Variants in SPAG16 observed in about 807,000 individuals in gnomAD.
The protein encoded by SPAG16 is sperm associated antigen 16.
Under a neutral mutation model 80.4 loss-of-function variants are expected in SPAG16, and 86 were observed. The observed-to-expected ratio is 1.07, with a 90% CI of 0.90 to 1.28. The LOEUF (loss-of-function observed/expected upper bound fraction) is 1.28. Ranked by LOEUF, SPAG16 falls within the 50% of genes most tolerant of loss-of-function variation. The pLI, the probability that SPAG16 is intolerant of heterozygous loss-of-function variation, is 0.00. For synonymous variants in SPAG16, 294 were observed against 265.9 expected (o/e 1.11, Z -1.03); for missense variants, 870 against 765.3 (o/e 1.14, Z -1.61).
intron 15 of SPAG16, among the ~76,000 whole-genome samples, chr2:214,334,440 C>T (rs1166633606): frequency 6.6e-6 from 1 of 152,172 alleles, no homozygotes; most frequent in Admixed American, 6.5e-5. Context: ...CTTTGGATCC[C>T]AATTTTCCTT....
At chr2:213,369,578 G>A (rs1211065094) in intron 8 of SPAG16, among the ~76,000 whole-genome samples, 18 of 120,846 alleles carry the variant, frequency 1.5e-4, no homozygotes, top group African/African-American at 3.9e-4. Context: ...TTTACTTTTA[G>A]GCAAAGAGGA....
intron 9 of SPAG16, among the ~76,000 whole-genome samples, chr2:213,411,355 A>T (rs925584524): frequency 6.6e-6 from 1 of 152,248 alleles, no homozygotes; most frequent in African/African-American, 2.4e-5. Context: ...GCGACCATTA[A>T]TAAAAATGTA....
At chr2:213,955,065 G>A (rs2044051564) in intron 12 of SPAG16, among the ~76,000 whole-genome samples, 1 of 151,220 alleles carries the variant, frequency 6.6e-6, no homozygotes, top group East Asian at 1.9e-4. Flanking sequence ...TTTTTTATTA[G>A]GCAAATAATT....
intron 15 of SPAG16, among the ~76,000 whole-genome samples, chr2:214,211,646 G>A (rs2058297130): frequency 6.6e-6 from 1 of 152,104 alleles, no homozygotes; most frequent in South Asian, 2.1e-4. Flanking sequence ...ACTAGAGAGG[G>A]GACCTGCAAC....
At chr2:213,577,691 C>A (rs752386636) in intron 10 of SPAG16, among the ~76,000 whole-genome samples, 12 of 152,060 alleles carry the variant, frequency 7.9e-5, no homozygotes, top group Non-Finnish European at 1.6e-4. Flanking sequence ...ACCAAGCATA[C>A]TTTATCTTTA....
chr2:213,990,503 T>A (rs2046226061), intron 12 of SPAG16, among the ~76,000 whole-genome samples: 1 of 152,142 alleles, frequency 6.6e-6, no homozygotes, highest in African/African-American at 2.4e-5. Context: ...ATAAGTTAAT[T>A]GACACAAATG....
chr2:213,776,991 G>A (rs1575108242), intron 10 of SPAG16, among the ~76,000 whole-genome samples: 1 of 151,798 alleles, frequency 6.6e-6, no homozygotes, highest in Non-Finnish European at 1.5e-5. Flanking sequence ...ATTAAAAAAA[G>A]AAACAAAAGT....
chr2:213,393,313 A>G (rs974491023), intron 9 of SPAG16, among the ~76,000 whole-genome samples: 14 of 151,764 alleles, frequency 9.2e-5, no homozygotes, highest in African/African-American at 3.4e-4. Flanking sequence ...TAGATTAAAT[A>G]TAGCATAATG....
intron 13 of SPAG16, among the ~76,000 whole-genome samples, chr2:214,107,592 G>C (rs2053447651): frequency 6.6e-6 from 1 of 152,084 alleles, no homozygotes; most frequent in Admixed American, 6.6e-5. Context: ...TGTTTTTGTA[G>C]TTAATTTTAA....
rs113727736 is a variant in SPAG16, at chr2:214,113,632, A to G, written c.1593+5371A>G. ...TCAAATTGTCTACTGAAGCTTGTGCATGCATCATGTAGTTCTTGTGCCATG... is the reference window on the plus strand; with the variant it reads ...TCAAATTGTCTACTGAAGCTTGTGCGTGCATCATGTAGTTCTTGTGCCATG... On this transcript the variant is annotated intron_variant, in intron 14 of 15. Transcript: ENST00000331683. 5.9e-3 allele frequency among the ~76,000 whole-genome samples: 902 copies of G among 152,260 alleles called. 7 individuals carry two copies. Among genetic ancestry groups the G allele is most frequent in the African/African-American group, 0.021 (878 of 41,540 alleles).
At chr2:214,264,784 C>T (rs1691432178) in intron 15 of SPAG16, among the ~76,000 whole-genome samples, 1 of 152,104 alleles carries the variant, frequency 6.6e-6, no homozygotes, top group South Asian at 2.1e-4. Context: ...ATCCCTTCTT[C>T]TTCCTTCCTC....
At chr2:213,295,448 A>G (rs2062461422) in intron 1 of SPAG16, among the ~76,000 whole-genome samples, 1 of 152,232 alleles carries the variant, frequency 6.6e-6, no homozygotes, top group African/African-American at 2.4e-5. Flanking sequence ...TGATTGCTAT[A>G]TACTTTATAT....
At chr2:213,609,241 T>A (rs1347082639) in intron 10 of SPAG16, among the ~76,000 whole-genome samples, 3 of 152,224 alleles carry the variant, frequency 2.0e-5, no homozygotes, top group Non-Finnish European at 4.4e-5. Context: ...AGCTTGATTC[T>A]ATGTTCTAAA....
intron 11 of SPAG16, among the ~76,000 whole-genome samples, chr2:213,879,302 G>T (rs563543443): frequency 6.6e-6 from 1 of 151,468 alleles, no homozygotes; most frequent in Admixed American, 6.6e-5. Context: ...CCATTTGCCC[G>T]TGTTATCTAT....
chr2:213,744,668 A>G (rs2067733127), intron 10 of SPAG16, among the ~76,000 whole-genome samples: 1 of 152,226 alleles, frequency 6.6e-6, no homozygotes, highest in Non-Finnish European at 1.5e-5. Flanking sequence ...TTAATAATAA[A>G]ACACTGGGAG....
chr2:214,274,520 G>A (rs550382070), intron 15 of SPAG16, among the ~76,000 whole-genome samples: 3 of 152,062 alleles, frequency 2.0e-5, no homozygotes, highest in East Asian at 3.9e-4. Flanking sequence ...GTTGAATTTT[G>A]TCAAAGGCCT....
At chr2:213,494,674 G>A (rs2074404510) in intron 10 of SPAG16, among the ~76,000 whole-genome samples, 1 of 152,144 alleles carries the variant, frequency 6.6e-6, no homozygotes, top group Admixed American at 6.5e-5. Flanking sequence ...ATGTAAATCA[G>A]ATCATCAGAT....
At chr2:214,380,728 A>C (rs1264361834) in intron 15 of SPAG16, among the ~76,000 whole-genome samples, 1 of 152,234 alleles carries the variant, frequency 6.6e-6, no homozygotes, top group African/African-American at 2.4e-5. Flanking sequence ...AATTTAAATC[A>C]CAGAATAGAA....
intron 8 of SPAG16, chr2:213,365,530 T>A (rs1364647292): frequency 1.3e-5 from 2 of 151,894 alleles, no homozygotes; most frequent in Admixed American, 6.6e-5. Context: ...TGATCTCAGC[T>A]CACTGCAGCC....
Sources: allele counts gnomAD v4.1 joint callset (sites outside exome capture counted in the v4.1 genomes callset), GRCh38; gene constraint gnomAD v4.1.1; transcripts MANE v1.5; gene names NCBI Gene and HGNC (gene_info 2026-07-23, HGNC 2026-07-21).